Variants in ATG7 observed in about 807,000 individuals in gnomAD.
ATG7 encodes autophagy related 7.
In ATG7, 70 loss-of-function variants were observed where a neutral mutation model predicts 82.4. That is an observed-to-expected ratio of 0.85 (90% CI 0.70 to 1.04). The LOEUF is 1.04. Ranked by LOEUF, ATG7 falls within the 50% of genes least tolerant of loss-of-function variation. The pLI is 0.00. For missense variants in ATG7, 792 were observed against 864.3 expected (o/e 0.92, Z 1.05); for synonymous variants, 287 against 313.0 (o/e 0.92, Z 0.88).
chr3:11,482,847 A>C (rs2089174212), intron 20 of ATG7, among the ~76,000 whole-genome samples: 1 of 151,832 alleles, frequency 6.6e-6, no homozygotes, highest in Non-Finnish European at 1.5e-5. Context: ...ATATATCTTA[A>C]GTATACATCT....
intron 14 of ATG7, chr3:11,348,335 C>T (rs1370062175): frequency 3.4e-6 from 1 of 293,650 alleles, no homozygotes; most frequent in African/African-American, 2.2e-5. Flanking sequence ...TGTTACAGCT[C>T]TTAAAGATGA....
chr3:11,454,146 G>A (rs1172698212), intron 20 of ATG7, among the ~76,000 whole-genome samples: 2 of 151,928 alleles, frequency 1.3e-5, no homozygotes, highest in Non-Finnish European at 2.9e-5. Context: ...AACTAGACTG[G>A]GTATCTGCTG....
At chr3:11,512,105 G>T (rs975941405) in intron 20 of ATG7, among the ~76,000 whole-genome samples, 2 of 152,208 alleles carry the variant, frequency 1.3e-5, no homozygotes, top group African/African-American at 4.8e-5. Context: ...CCAGGCAGGG[G>T]AGGTGCCAAG....
intron 19 of ATG7, among the ~76,000 whole-genome samples, chr3:11,415,357 C>G (rs1309794114): frequency 6.6e-6 from 1 of 152,144 alleles, no homozygotes; most frequent in African/African-American, 2.4e-5. Context: ...AAAAACAACA[C>G]TAAACTTAAA....
chr3:11,319,269 T>G (rs1219584622), intron 9 of ATG7, among the ~76,000 whole-genome samples: 1 of 152,232 alleles, frequency 6.6e-6, no homozygotes, highest in African/African-American at 2.4e-5. Flanking sequence ...CAGTTTCCCT[T>G]CGAGCCACGA....
intron 13 of ATG7, among the ~76,000 whole-genome samples, chr3:11,344,829 A>G (rs1309827888): frequency 6.6e-6 from 1 of 152,198 alleles, no homozygotes; most frequent in Admixed American, 6.5e-5. Context: ...AGATCGTGCC[A>G]CTGCTCTCCA....
At chr3:11,322,636 A>G (rs1308708804) in intron 9 of ATG7, among the ~76,000 whole-genome samples, 1 of 152,096 alleles carries the variant, frequency 6.6e-6, no homozygotes, top group Non-Finnish European at 1.5e-5. Flanking sequence ...ATCCTTTTTA[A>G]TGGATGTATG....
intron 1 of ATG7, among the ~76,000 whole-genome samples, chr3:11,280,689 G>A (rs573678995): frequency 1.3e-5 from 2 of 152,244 alleles, no homozygotes; most frequent in East Asian, 3.9e-4. Flanking sequence ...AAATTGATAA[G>A]CAAATCTATA....
chr3:11,548,697 G>A (rs930451951), intron 20 of ATG7, among the ~76,000 whole-genome samples: 5 of 152,110 alleles, frequency 3.3e-5, no homozygotes, highest in Admixed American at 6.5e-5. Flanking sequence ...CGTATCAGCC[G>A]ATTGAACTCA....
In ATG7 at chr3:11,395,955, A is replaced by T. The variant is rs1331374392; in HGVS notation, c.1956+15903A>T. Among the ~76,000 whole-genome samples the T allele has an allele frequency of 9.9e-5, 12 of 121,480 alleles. No homozygotes were observed. The South Asian group carries it at 2.3e-3, about 23-fold the overall frequency. The allele number at this position is 121,480 out of a possible 152,430, so 79.7% of individuals were successfully genotyped here. A position where few individuals can be genotyped will look rare whatever the true frequency, so the allele number is the denominator to read the frequency against. On this transcript the variant is annotated intron_variant, in intron 19 of 20. Transcript: ENST00000693202. ...ACTCTGTCTCAAAAAAAAAAAAAAAAAAAAAAAAAAGGTAGGGGGGGAAGA... is the reference window on the plus strand; with the variant it reads ...ACTCTGTCTCAAAAAAAAAAAAAAATAAAAAAAAAAGGTAGGGGGGGAAGA...
At chr3:11,519,752 G>A (rs373920583) in intron 20 of ATG7, among the ~76,000 whole-genome samples, 2 of 151,504 alleles carry the variant, frequency 1.3e-5, no homozygotes, top group East Asian at 1.9e-4. Flanking sequence ...TAGTAGAGAC[G>A]GGGTTTCACA....
intron 11 of ATG7, among the ~76,000 whole-genome samples, chr3:11,339,311 AAAGAAAAG>A (rs1049320076): frequency 2.3e-5 from 1 of 42,750 alleles, no homozygotes; most frequent in African/African-American, 4.9e-5. Context: ...AAAAAAAAAA[AAAGAAAAG>A]AAAAGAAAAC....
chr3:11,469,641 CAGTT>C (rs1256793838), intron 20 of ATG7, among the ~76,000 whole-genome samples: 2 of 152,090 alleles, frequency 1.3e-5, no homozygotes, highest in African/African-American at 4.8e-5. Flanking sequence ...TTCCTCTTCT[CAGTT>C]AGCCCTGTCC....
chr3:11,422,769 T>TTTTTTTTTTTTTTTG lies in ATG7; in HGVS notation c.1957-4035_1957-4034insTTTTTTTTTTTTTTG, dbSNP rs1386943052. ...TTTTTTTTTTTTTTTTTTTTTTTTT[T>TTTTTTTTTTTTTTTG]GGAGACAGAGTCTCACTCCGTTGCC... On this transcript the variant is annotated intron_variant, in intron 19 of 20. Transcript: ENST00000693202. Among the ~76,000 whole-genome samples, 6 of 102,626 alleles carry TTTTTTTTTTTTTTTG rather than the reference T, an allele frequency of 5.8e-5. 1 individual carries two copies. Among genetic ancestry groups the TTTTTTTTTTTTTTTG allele is most frequent in the African/African-American group, 2.4e-4 (6 of 25,200 alleles). The allele number at this position is 102,626 out of a possible 152,430, so 67.3% of individuals were successfully genotyped here. A position where few individuals can be genotyped will look rare whatever the true frequency, so the allele number is the denominator to read the frequency against.
At chr3:11,491,239 T>TA (rs535479407) in intron 20 of ATG7, among the ~76,000 whole-genome samples, 2 of 152,234 alleles carry the variant, frequency 1.3e-5, no homozygotes, top group Non-Finnish European at 2.9e-5. Context: ...CCATCACTGA[T>TA]ACCCTTTCTT....
At chr3:11,575,285 T>C in the ATG7 span, among the ~76,000 whole-genome samples, 2 of 152,234 alleles carry the variant, frequency 1.3e-5, no homozygotes, top group African/African-American at 4.8e-5. Flanking sequence ...GCTGCTCTCC[T>C]GTCAGTGTGG....
intron 20 of ATG7, among the ~76,000 whole-genome samples, chr3:11,427,457 T>C (rs2082461202): frequency 6.6e-6 from 1 of 151,940 alleles, no homozygotes; most frequent in Admixed American, 6.6e-5. Flanking sequence ...AGCTAAAATA[T>C]TTTGCAGATC....
intron 11 of ATG7, among the ~76,000 whole-genome samples, chr3:11,336,108 C>T (rs1952437808): frequency 6.8e-6 from 1 of 147,430 alleles, no homozygotes; most frequent in Non-Finnish European, 1.5e-5. Context: ...GGCAGGATCT[C>T]AGCTTACTGC....
At chr3:11,294,231 T>TTTTTA (rs1361473016) in intron 3 of ATG7, among the ~76,000 whole-genome samples, 4 of 151,904 alleles carry the variant, frequency 2.6e-5, no homozygotes, top group Non-Finnish European at 4.4e-5. Flanking sequence ...ACCTGTTTTC[T>TTTTTA]TTTTATTTTA....
Sources: gnomAD v4.1 joint callset for allele counts (sites outside exome capture counted in the v4.1 genomes callset) on GRCh38, gnomAD v4.1.1 for gene constraint, MANE v1.5 for transcripts, NCBI Gene and HGNC (gene_info 2026-07-23, HGNC 2026-07-21) for gene names.